PI4K2B: variants seen among roughly 807,000 people sequenced by gnomAD.
PI4K2B encodes the protein phosphatidylinositol 4-kinase type 2-beta.
Under a neutral mutation model 56.6 loss-of-function variants are expected in PI4K2B, and 46 were observed. The observed-to-expected ratio is 0.81, with a 90% confidence interval of 0.64 to 1.04. PI4K2B has a LOEUF of 1.04. PI4K2B is among the 50% of genes least tolerant of loss of function. The probability of loss-of-function intolerance (pLI) is 0.00; values close to 1 mark genes in which losing one functional copy is unlikely to be tolerated. For missense variants in PI4K2B, 556 were observed against 607.7 expected, an observed-to-expected ratio of 0.91 and a Z score of 0.89; for synonymous variants, 211 against 223.8, an observed-to-expected ratio of 0.94 and a Z score of 0.51.
In PI4K2B at chr4:25,239,217, C is replaced by T. The variant is rs562616568; in HGVS notation, c.268+4786C>T. On this transcript the variant is annotated intron_variant, in intron 1 of 9. Transcript: ENST00000264864. ...ACACTGGGGCCACAGGTGGAGCTGC[C>T]TGCCAGTCCCGTGCCTTGCGCCCAC... 6.1e-4 allele frequency among the ~76,000 whole-genome samples: 93 copies of T among 152,364 alleles called. 1 individual carries two copies. The highest frequency in any genetic ancestry group is 6.8e-3 in the Middle Eastern group (2 of 294).
chr4:25,249,277 C>T (rs538500769), intron 1 of PI4K2B, among the ~76,000 whole-genome samples: 58 of 152,254 alleles, frequency 3.8e-4, no homozygotes, highest in Non-Finnish European at 5.4e-4. Context: ...CTTATCTATT[C>T]GACAAAACCG....
At chr4:25,267,510 G>A (rs1716709953) in intron 7 of PI4K2B, among the ~76,000 whole-genome samples, 1 of 152,192 alleles carries the variant, frequency 6.6e-6, no homozygotes, top group South Asian at 2.1e-4. Context: ...AACTATGATT[G>A]TGCCACTGCA....
At position 25,263,045 on chromosome 4, in the gene PI4K2B, A is replaced by G. The variant is rs545281080; in HGVS notation, c.979-705A>G. 1.1e-4 allele frequency among the ~76,000 whole-genome samples: 16 copies of G among 152,322 alleles called. No individual in the cohort carries two copies. In the South Asian group the frequency reaches 3.3e-3, roughly 32 times the overall value. ...CACAGGGTGGCAGGAGAATGAGTGT[A>G]GGAGAAATGCCAGACGCTTGCAAAA... On this transcript the variant is annotated intron_variant, in intron 6 of 9. Transcript: ENST00000264864.
chr4:25,264,590 G>A (rs566407089), intron 7 of PI4K2B, among the ~76,000 whole-genome samples: 127 of 152,230 alleles, frequency 8.3e-4, no homozygotes, highest in African/African-American at 3.0e-3. Context: ...AAAATATATG[G>A]GCCAGGCATG....
At chr4:25,252,257 G>A in intron 1 of PI4K2B, 64 bp from the exon 2 acceptor site, 1 of 1,205,650 alleles carries the variant, frequency 8.3e-7, no homozygotes, top group Middle Eastern at 1.9e-4. Context: ...ATACCGGCAA[G>A]CTAATCGATA....
chr4:25,243,346 A>G (rs1156704775), intron 1 of PI4K2B, among the ~76,000 whole-genome samples: 1 of 152,216 alleles, frequency 6.6e-6, no homozygotes, highest in Admixed American at 6.5e-5. Flanking sequence ...CTTGTTTCTC[A>G]TTGGACAATC....
intron 7 of PI4K2B, chr4:25,267,777 T>C: frequency 1.0e-6 from 1 of 980,892 alleles, no homozygotes; most frequent in Non-Finnish European, 1.2e-6. Flanking sequence ...GAATTAGAGA[T>C]AGCTTAGAGT....
chr4:25,240,334 G>C (rs1467583506), intron 1 of PI4K2B, among the ~76,000 whole-genome samples: 1 of 152,228 alleles, frequency 6.6e-6, no homozygotes, highest in Non-Finnish European at 1.5e-5. Context: ...TGCTGCCAAA[G>C]AGTCTATTTG....
chr4:25,267,134 A>T (rs1393737243), intron 7 of PI4K2B, among the ~76,000 whole-genome samples: 1 of 152,254 alleles, frequency 6.6e-6, no homozygotes, highest in African/African-American at 2.4e-5. Flanking sequence ...ATTAGGTAGC[A>T]TGACAACTGC....
In PI4K2B at chr4:25,268,528, C is replaced by T. The variant is rs1479522237; in HGVS notation, c.1164C>T (p.Asp388=). ...ATTTGATTCTACCATATATTTCTGACATGAACTTTGTGCAAGATTTATGTG... is the reference window on the plus strand; with the variant it reads ...ATTTGATTCTACCATATATTTCTGATATGAACTTTGTGCAAGATTTATGTG... ...IRNLILPYIS[D]MNFVQDLCED... The change falls in exon 8 of 10, where the codon GAC becomes GAT. Residue 388 remains aspartate, a synonymous_variant. Transcript: ENST00000264864. 6.3e-7 allele frequency: 1 copy of T among 1,597,394 alleles called. No individual in the cohort carries two copies. Among genetic ancestry groups the T allele is most frequent in the Non-Finnish European group, 8.6e-7 (1 of 1,169,336 alleles).
At position 25,269,129 on chromosome 4, in the gene PI4K2B, T is replaced by C. The variant is rs1416202407; in HGVS notation, c.1213-15T>C. On this transcript the variant is annotated splice_polypyrimidine_tract_variant and intron_variant, in intron 8 of 9. Coordinates refer to ENST00000264864, the MANE Select transcript of PI4K2B (RefSeq NM_018323.4). ...GTCTTTATTTTGGGAATTGTTTTTT[T>C]CCTTTCTATAATAGACTGACAAAGG... The C allele has an allele frequency of 1.3e-6, 2 of 1,484,516 alleles. No individual in the cohort carries two copies. The highest frequency in any genetic ancestry group is 3.7e-5 in the Admixed American group (2 of 54,272). 92.0% of individuals were successfully genotyped at this position (1,484,516 alleles called of 1,614,324 possible).
chr4:25,268,698 G>T, intron 8 of PI4K2B, 122 bp downstream of exon 8: 1 of 625,144 alleles, frequency 1.6e-6, no homozygotes, highest in East Asian at 3.0e-5. Flanking sequence ...AAACCTGACA[G>T]GACAGAGAGG....
intron 8 of PI4K2B, 132 bp downstream of exon 8, chr4:25,268,708 G>A: frequency 5.0e-6 from 3 of 599,678 alleles, no homozygotes; most frequent in Non-Finnish European, 8.4e-6. Flanking sequence ...GGACAGAGAG[G>A]AATTAGCAGT....
At chr4:25,265,257 A>C (rs1716625649) in intron 7 of PI4K2B, among the ~76,000 whole-genome samples, 1 of 148,914 alleles carries the variant, frequency 6.7e-6, no homozygotes. Flanking sequence ...AAATTCCTTC[A>C]ATTTATTAGT....
intron 1 of PI4K2B, among the ~76,000 whole-genome samples, chr4:25,234,972 A>C (rs1243086709): frequency 6.6e-6 from 1 of 151,882 alleles, no homozygotes; most frequent in Non-Finnish European, 1.5e-5. Flanking sequence ...GCCCTCTTAC[A>C]GTTTAGTTTC....
At chr4:25,242,824 A>G (rs985862341) in intron 1 of PI4K2B, among the ~76,000 whole-genome samples, 1 of 152,218 alleles carries the variant, frequency 6.6e-6, no homozygotes, top group South Asian at 2.1e-4. Flanking sequence ...GTGTCCTTCC[A>G]ATGCCCAGAC....
chr4:25,274,659 T>C (rs756469865), intron 9 of PI4K2B, among the ~76,000 whole-genome samples: 34 of 152,186 alleles, frequency 2.2e-4, no homozygotes, highest in Non-Finnish European at 4.0e-4. Context: ...AGTGTTTCCT[T>C]AGTAAATAAA....
At chr4:25,246,512 A>T (rs1327150826) in intron 1 of PI4K2B, among the ~76,000 whole-genome samples, 4 of 152,224 alleles carry the variant, frequency 2.6e-5, no homozygotes. Flanking sequence ...TTAGCTAGAC[A>T]TAAAGGTTCT....
Position 25,267,791 on chromosome 4 carries a change from G to A in PI4K2B, c.1079-652G>A, listed in dbSNP as rs959975828. 30 of 977,712 alleles carry A rather than the reference G, an allele frequency of 3.1e-5. No individual in the cohort carries two copies. In the African/African-American group the frequency reaches 5.3e-4, roughly 17 times the overall value. The allele number at this position is 977,712 out of a possible 1,614,324, so 60.6% of individuals were successfully genotyped here. On this transcript the variant is annotated intron_variant, in intron 7 of 9. Coordinates refer to ENST00000264864, the MANE Select transcript of PI4K2B (RefSeq NM_018323.4). Reference sequence around the variant, plus strand: ...AGAATTAGAGATAGCTTAGAGTCATGGATCTTTTGTCTCTTAAAATGACTC... The same window carrying A: ...AGAATTAGAGATAGCTTAGAGTCATAGATCTTTTGTCTCTTAAAATGACTC...
Sources: gnomAD v4.1 joint callset for allele counts (sites outside exome capture counted in the v4.1 genomes callset) on GRCh38, gnomAD v4.1.1 for gene constraint, MANE v1.5 for transcripts, NCBI Gene and HGNC (gene_info 2026-07-23, HGNC 2026-07-21) for gene names.